Variants in CNDP1 observed in about 807,000 individuals in gnomAD.
CNDP1 encodes beta-Ala-His dipeptidase.
CNDP1 carries 44 observed loss-of-function variants against 58.1 expected under a neutral mutation model. That is an observed-to-expected ratio of 0.76 (90% CI 0.60 to 0.97). CNDP1 has a LOEUF of 0.97. Ranked by LOEUF, CNDP1 falls within the 50% of genes least tolerant of loss-of-function variation. CNDP1 has a pLI of 0.00. For synonymous variants in CNDP1, 254 were observed against 252.6 expected (o/e 1.01, Z -0.05); for missense variants, 616 against 655.1 (o/e 0.94, Z 0.65).
Position 74,549,290 on chromosome 18 carries a change from C to T in CNDP1, c.25-7048C>T, listed in dbSNP as rs1980839164. Among the ~76,000 whole-genome samples, 2 of 152,204 alleles carry T rather than the reference C, an allele frequency of 1.3e-5. 1 individual carries two copies. The highest frequency in any genetic ancestry group is 4.1e-4 in the South Asian group (2 of 4,830). On this transcript the variant is annotated intron_variant, in intron 1 of 11. Coordinates refer to ENST00000358821, the MANE Select transcript of CNDP1 (RefSeq NM_032649.6). ...AATCCTAGAAAACGTAGCATTCCTA[C>T]ACGTGATGTTAACATTGTTCTTGAA...
At chr18:74,559,081 C>T (rs971908508) in intron 2 of CNDP1, among the ~76,000 whole-genome samples, 2 of 152,246 alleles carry the variant, frequency 1.3e-5, no homozygotes, top group Middle Eastern at 3.4e-3. Context: ...TCTCCCAGCC[C>T]GTCCTGCCTG....
At position 74,586,674 on chromosome 18, in the gene CNDP1, T is replaced by C. The variant is rs1261791012; in HGVS notation, c.*2112T>C. The C allele has an allele frequency of 6.6e-6, 1 of 152,134 alleles. No homozygotes were observed. Among genetic ancestry groups the C allele is most frequent in the Non-Finnish European group, 1.5e-5 (1 of 68,038 alleles). The allele number at this position is 152,134 out of a possible 1,614,324, so 9.4% of individuals were successfully genotyped here. A position where few individuals can be genotyped will look rare whatever the true frequency, so the allele number is the denominator to read the frequency against. On this transcript the variant is annotated 3_prime_UTR_variant, in exon 12 of 12. Coordinates refer to ENST00000358821, the MANE Select transcript of CNDP1 (RefSeq NM_032649.6). Reference sequence around the variant, plus strand: ...GAATCTAGGATATTCCAACCCTGGATTGCCAGAGTTCAGAGTCCATGTTTT... The same window carrying C: ...GAATCTAGGATATTCCAACCCTGGACTGCCAGAGTTCAGAGTCCATGTTTT...
chr18:74,580,026 G>A (rs962556894), intron 9 of CNDP1, 104 bp from the exon 10 acceptor site: 16 of 983,380 alleles, frequency 1.6e-5, no homozygotes, highest in Admixed American at 2.3e-5. Context: ...TGATGGAAGA[G>A]GCTATATTAA....
At chr18:74,579,188 TCCTTC>T (rs1343210315) in intron 9 of CNDP1, among the ~76,000 whole-genome samples, 120 of 118,520 alleles carry the variant, frequency 1.0e-3, no homozygotes, top group African/African-American at 3.4e-3. Context: ...CTTCTCCCTT[TCCTTC>T]CCTTCCCTTG....
chr18:74,554,801 G>A (rs988610990), intron 1 of CNDP1, among the ~76,000 whole-genome samples: 2 of 152,156 alleles, frequency 1.3e-5, no homozygotes, highest in Admixed American at 6.5e-5. Flanking sequence ...GGAGTCTTGC[G>A]ATCTGCCCCA....
chr18:74,554,316 G>C (rs1233175799), intron 1 of CNDP1, among the ~76,000 whole-genome samples: 1 of 152,210 alleles, frequency 6.6e-6, no homozygotes, highest in Non-Finnish European at 1.5e-5. Flanking sequence ...TCTGACAGAA[G>C]GTAGAACAGC....
At position 74,577,017 on chromosome 18, in the gene CNDP1, G is replaced by C. The variant is rs1392767908; in HGVS notation, c.990G>C (p.Leu330=). 6.2e-7 allele frequency: 1 copy of C among 1,612,296 alleles called. No individual in the cohort carries two copies. The highest frequency in any genetic ancestry group is 1.1e-5 in the South Asian group (1 of 90,484). ...YRNSSRVEKF[L]FDTKEEILMH... is the part of the protein sequence containing the mutation. ...ATAGCAGCCGGGTTGAGAAATTTCT[G>C]TTCGATACTAAGGTATGGCCACAGA... is the stretch of plus-strand genomic sequence containing the variant. Residue 330 remains leucine (L), a synonymous_variant, in exon 8 of 12, where the codon CTG becomes CTC. Coordinates refer to ENST00000358821, the MANE Select transcript of CNDP1 (RefSeq NM_032649.6).
rs960570369 is a variant in CNDP1, at chr18:74,545,531, C to T, written c.25-10807C>T. Among the ~76,000 whole-genome samples the T allele has an allele frequency of 6.6e-6, 1 of 152,172 alleles. No homozygotes were observed. Among genetic ancestry groups the T allele is most frequent in the Non-Finnish European group, 1.5e-5 (1 of 68,036 alleles). The stretch of plus-strand genomic sequence containing the variant: ...ATTTTGGTGTCTCCACCTTGGCCCA[C>T]GGTCCCACCAAAACCCTGCCAGGCT... On this transcript the variant is annotated intron_variant, in intron 1 of 11. Transcript: ENST00000358821. This position sits in a 1 kb window ranked among gnomAD's most constrained non-coding sequence, Gnocchi z 4.1.
At chr18:74,560,156 C>T (rs1214696829) in intron 3 of CNDP1, among the ~76,000 whole-genome samples, 2 of 152,066 alleles carry the variant, frequency 1.3e-5, no homozygotes, top group Non-Finnish European at 2.9e-5. Context: ...GCTGGGATTT[C>T]AGGCGTGCAC....
chr18:74,567,021 C>A (rs547079340), intron 5 of CNDP1: 6 of 563,368 alleles, frequency 1.1e-5, no homozygotes, highest in African/African-American at 1.9e-5. Flanking sequence ...AAGAAGCAAA[C>A]CCCTGATAAA....
intron 4 of CNDP1, 85 bp downstream of exon 4, chr18:74,561,103 T>G (rs1489288736): frequency 2.1e-5 from 32 of 1,523,850 alleles, no homozygotes; most frequent in Non-Finnish European, 2.7e-5. Flanking sequence ...CCCTGGGTTT[T>G]GGGTCTCTCC....
At chr18:74,573,350 AT>A (rs1307525814) in intron 7 of CNDP1, among the ~76,000 whole-genome samples, 6 of 151,384 alleles carry the variant, frequency 4.0e-5, no homozygotes. Context: ...CCATCCATCC[AT>A]TCATTATCTA....
Position 74,561,024 on chromosome 18 carries a change from T to C in CNDP1, c.466+6T>C, listed in dbSNP as rs1228274572. On this transcript the variant is annotated splice_donor_region_variant and intron_variant, in intron 4 of 11. Coordinates refer to ENST00000358821, the MANE Select transcript of CNDP1 (RefSeq NM_032649.6). ...TGTGCTGACGGAGGTAGACGGTCAG[T>C]GAGGCGCCCGGGCTACAGTGCGGTG... 6.2e-7 allele frequency: 1 copy of C among 1,610,196 alleles called. No individual in the cohort carries two copies. The highest frequency in any genetic ancestry group is 1.7e-5 in the Admixed American group (1 of 59,938).
chr18:74,580,550 G>A (rs1310980118), intron 10 of CNDP1, among the ~76,000 whole-genome samples: 1 of 152,254 alleles, frequency 6.6e-6, no homozygotes, highest in Non-Finnish European at 1.5e-5. Flanking sequence ...GGCAAAGCCT[G>A]TGTTCAAATT....
Position 74,584,523 on chromosome 18 carries a change from A to G in CNDP1, c.1485A>G (p.Leu495=), listed in dbSNP as rs576966962. The G allele has an allele frequency of 6.2e-7, 1 of 1,613,880 alleles. No individual in the cohort carries two copies. Among genetic ancestry groups the G allele is most frequent in the South Asian group, 1.1e-5 (1 of 91,074 alleles). Residue 495 remains leucine, a synonymous_variant, in exon 12 of 12, where the codon TTA becomes TTG. Coordinates refer to ENST00000358821, the MANE Select transcript of CNDP1 (RefSeq NM_032649.6). ...NRWNYIEGTK[L]FAAFFLEMAQ... Reference sequence around the variant, plus strand: ...GGAACTACATAGAGGGAACCAAATTATTTGCTGCCTTTTTCTTAGAGATGG... The same window carrying G: ...GGAACTACATAGAGGGAACCAAATTGTTTGCTGCCTTTTTCTTAGAGATGG...
At chr18:74,580,316 CA>C (rs1157976970) in intron 10 of CNDP1, 45 bp downstream of exon 10, 2 of 1,602,196 alleles carry the variant, frequency 1.2e-6, no homozygotes, top group Non-Finnish European at 1.7e-6. Flanking sequence ...CACTGGGACT[CA>C]GGGGTGGTAC....
At chr18:74,540,825 G>A (rs8085167) in intron 1 of CNDP1, among the ~76,000 whole-genome samples, 18,365 of 152,204 alleles carry the variant, frequency 0.12, 1,433 homozygotes, top group Non-Finnish European at 0.18. Context: ...AAATGTAAAC[G>A]TGAACTTACT....
intron 6 of CNDP1, 54 bp downstream of exon 6, chr18:74,567,487 G>A: frequency 1.4e-6 from 2 of 1,412,696 alleles, no homozygotes; most frequent in East Asian, 2.3e-5. Flanking sequence ...GTGAATGGGA[G>A]CACCAATCCA....
At position 74,586,168 on chromosome 18, in the gene CNDP1, G is replaced by A. The variant is rs1981909938; in HGVS notation, c.*1606G>A. The A allele has an allele frequency of 6.6e-6, 1 of 152,142 alleles. No homozygotes were observed. Among genetic ancestry groups the A allele is most frequent in the South Asian group, 2.1e-4 (1 of 4,828 alleles). 9.4% of individuals were successfully genotyped at this position (152,142 alleles called of 1,614,324 possible). A position where few individuals can be genotyped will look rare whatever the true frequency, so the allele number is the denominator to read the frequency against. ...CACCTTGACTCTAGTCATAGAAGTG[G>A]ACCCAACTGAGAGCTCAACCTAGTT... On this transcript the variant is annotated 3_prime_UTR_variant, in exon 12 of 12. Transcript: ENST00000358821.
Sources: gnomAD v4.1 joint callset for allele counts (sites outside exome capture counted in the v4.1 genomes callset) on GRCh38, gnomAD v4.1.1 for gene constraint, Gnocchi (gnomAD v3.1) non-coding constraint, MANE v1.5 for transcripts, NCBI Gene and HGNC (gene_info 2026-07-23, HGNC 2026-07-21) for gene names.